The following COL5A1 variants were observed in gnomAD, a reference collection of about 807,000 sequenced individuals.
COL5A1 encodes collagen type V alpha 1 chain.
COL5A1 carries 16 observed loss-of-function variants against 263.7 expected under a neutral mutation model. That is an observed-to-expected ratio of 0.06 (90% CI 0.04 to 0.09). COL5A1 has a LOEUF of 0.09. Among genes scored for constraint, COL5A1 ranks in the 10% least tolerant of loss-of-function variants. The pLI, the probability that COL5A1 is intolerant of heterozygous loss-of-function variation, is 1.00. For synonymous variants in COL5A1, 1,012 were observed against 1,004.5 expected, an observed-to-expected ratio of 1.01 and a Z score of -0.14; for missense variants, 2,036 against 2,540.5, an observed-to-expected ratio of 0.80 and a Z score of 4.27.
chr9:134,747,969 G>GCACA (rs1835615603), intron 11 of COL5A1, among the ~76,000 whole-genome samples: 1 of 135,122 alleles, frequency 7.4e-6, no homozygotes. Context: ...ATGCACACAT[G>GCACA]CATTCACACA....
intron 27 of COL5A1, among the ~76,000 whole-genome samples, chr9:134,775,572 G>A (rs1182717122): frequency 6.6e-6 from 1 of 152,210 alleles, no homozygotes; most frequent in Non-Finnish European, 1.5e-5. Context: ...GCTCTGAGCT[G>A]GGTAATGCAA....
chr9:134,775,531 C>A (rs569061912), intron 27 of COL5A1, among the ~76,000 whole-genome samples: 1 of 152,326 alleles, frequency 6.6e-6, no homozygotes, highest in South Asian at 2.1e-4. Flanking sequence ...AGACACAGGT[C>A]CCCTCTGTCA....
intron 4 of COL5A1, among the ~76,000 whole-genome samples, chr9:134,706,789 G>A (rs2132585828): frequency 6.6e-6 from 1 of 152,344 alleles, no homozygotes; most frequent in South Asian, 2.1e-4. Flanking sequence ...GAGGACCCTG[G>A]AGTCCCCTGG....
chr9:134,835,789 C>T (rs986543144), intron 65 of COL5A1, among the ~76,000 whole-genome samples: 23 of 152,198 alleles, frequency 1.5e-4, no homozygotes, highest in Admixed American at 6.5e-5. Context: ...TACCCATGGG[C>T]CTTCCCACAT....
intron 4 of COL5A1, among the ~76,000 whole-genome samples, chr9:134,705,604 T>G (rs925777588): frequency 6.6e-6 from 1 of 152,244 alleles, no homozygotes; most frequent in Non-Finnish European, 1.5e-5. Flanking sequence ...GGGCCAACGC[T>G]GTCGGATTTT....
intron 49 of COL5A1, among the ~76,000 whole-genome samples, 184 bp from the exon 50 acceptor site, chr9:134,814,613 G>A (rs1838668228): frequency 6.6e-6 from 1 of 152,208 alleles, no homozygotes; most frequent in Non-Finnish European, 1.5e-5. Flanking sequence ...TCCCCCTCAG[G>A]GTGCACACAG....
In COL5A1 at chr9:134,822,114, T is replaced by C. The variant is rs1839027419; in HGVS notation, c.4572T>C (p.Ser1524=). The C allele has an allele frequency of 8.4e-6, 13 of 1,546,712 alleles. No homozygotes were observed. The South Asian group carries it at 1.2e-4, about 15-fold the overall frequency. ...CTTTTCAGGGTATCACTGGTCCTTC[T>C]GGCCCGATTGGGCCTCCTGGGCCCC... ...PKGEQGITGP[S]GPIGPPGPPG... is the part of the protein sequence containing the mutation. Residue 1524 remains serine (S), a synonymous_variant, in exon 59 of 66, where the codon TCT becomes TCC. Coordinates refer to ENST00000371817, the MANE Select transcript of COL5A1 (RefSeq NM_000093.5).
At chr9:134,819,117 C>T in intron 57 of COL5A1, 64 bp downstream of exon 57, 1 of 1,509,156 alleles carries the variant, frequency 6.6e-7, no homozygotes, top group Non-Finnish European at 9.2e-7. Flanking sequence ...GGCCGTGGGT[C>T]TCAAACTCAA....
intron 64 of COL5A1, among the ~76,000 whole-genome samples, chr9:134,832,178 G>A (rs1839662276): frequency 6.6e-6 from 1 of 152,198 alleles, no homozygotes; most frequent in African/African-American, 2.4e-5. Flanking sequence ...GGCTGAGGCG[G>A]ATGGATCACC....
At chr9:134,705,636 T>G (rs1418487096) in intron 4 of COL5A1, among the ~76,000 whole-genome samples, 2 of 152,118 alleles carry the variant, frequency 1.3e-5, no homozygotes, top group Admixed American at 1.3e-4. Context: ...ATCAAATCTG[T>G]GTTAGATGTG....
chr9:134,772,458 C>T (rs762754870), intron 25 of COL5A1, among the ~76,000 whole-genome samples: 5 of 152,280 alleles, frequency 3.3e-5, no homozygotes, highest in African/African-American at 4.8e-5. Context: ...TGGCTCTGGC[C>T]GGGTCAGGAG....
chr9:134,787,976 G>A (rs1837522916), intron 31 of COL5A1, among the ~76,000 whole-genome samples: 1 of 152,218 alleles, frequency 6.6e-6, no homozygotes, highest in Non-Finnish European at 1.5e-5. Context: ...GATGGATAAA[G>A]AGATAGGTGG....
intron 9 of COL5A1, among the ~76,000 whole-genome samples, chr9:134,736,086 C>T (rs1006834705): frequency 1.3e-5 from 2 of 150,908 alleles, no homozygotes; most frequent in African/African-American, 4.9e-5. Flanking sequence ...TGGACATCTG[C>T]AGCCCCCTGG....
intron 11 of COL5A1, among the ~76,000 whole-genome samples, chr9:134,747,141 TCTTTC>T (rs1398268881): frequency 6.6e-6 from 1 of 152,216 alleles, no homozygotes; most frequent in Non-Finnish European, 1.5e-5. Context: ...GTGGCGACAT[TCTTTC>T]CTTTCTTCTC....
At chr9:134,673,776 A>G (rs1174176780) in intron 1 of COL5A1, among the ~76,000 whole-genome samples, 1 of 152,232 alleles carries the variant, frequency 6.6e-6, no homozygotes. Context: ...GAAAATGGAA[A>G]GGTAATAAGA....
rs1306721457 is a variant in COL5A1, at chr9:134,652,307, T to C, written c.109+10011T>C. Among the ~76,000 whole-genome samples the C allele has an allele frequency of 6.7e-6, 1 of 149,136 alleles. No homozygotes were observed. The highest frequency in any genetic ancestry group is 1.5e-5 in the Non-Finnish European group (1 of 67,640). On this transcript the variant is annotated intron_variant, in intron 1 of 65. Transcript: ENST00000371817. The surrounding 1 kb of genome is among the most constrained non-coding windows in gnomAD (Gnocchi z 4.4). Reference sequence around the variant, plus strand: ...CCTTGGGCCGGTGTGGCGGTAACAGTGAGCTGGTGACAGCAGGCAGACCCA... The same window carrying C: ...CCTTGGGCCGGTGTGGCGGTAACAGCGAGCTGGTGACAGCAGGCAGACCCA...
intron 27 of COL5A1, among the ~76,000 whole-genome samples, chr9:134,778,597 G>A (rs1253744609): frequency 6.6e-6 from 1 of 152,216 alleles, no homozygotes; most frequent in Non-Finnish European, 1.5e-5. Context: ...CTCCATGCTG[G>A]CCCACATTAG....
chr9:134,806,582 G>A (rs1180182046), intron 42 of COL5A1, among the ~76,000 whole-genome samples: 2 of 152,154 alleles, frequency 1.3e-5, no homozygotes, highest in African/African-American at 2.4e-5. Context: ...CTGTCCACGC[G>A]TGCATGCTGG....
At chr9:134,709,196 G>C in intron 4 of COL5A1, 1 of 349,882 alleles carries the variant, frequency 2.9e-6, no homozygotes, top group South Asian at 2.1e-5. Flanking sequence ...GGGGTTTTTC[G>C]TCTCTTAAAT....
Sources: allele counts gnomAD v4.1 joint callset (sites outside exome capture counted in the v4.1 genomes callset), GRCh38; gene constraint gnomAD v4.1.1; non-coding constraint Gnocchi (gnomAD v3.1); transcripts MANE v1.5; gene names NCBI Gene and HGNC (gene_info 2026-07-23, HGNC 2026-07-21).